ASIC2: variants seen among roughly 807,000 people sequenced by gnomAD.
The protein encoded by ASIC2 is acid-sensing ion channel 2.
A neutral mutation model predicts 57.3 loss-of-function variants in ASIC2; 25 were observed. That is an observed-to-expected ratio of 0.44 (90% CI 0.32 to 0.61). The LOEUF (loss-of-function observed/expected upper bound fraction) is 0.61. Ranked by LOEUF, ASIC2 falls within the 20% of genes least tolerant of loss-of-function variation. ASIC2 has a pLI of 0.06. For missense variants in ASIC2, 641 were observed against 738.1 expected (o/e 0.87, Z 1.52); for synonymous variants, 319 against 307.5 (o/e 1.04, Z -0.39).
At chr17:33,904,275 C>T (rs1294685911) in intron 1 of ASIC2, among the ~76,000 whole-genome samples, 3 of 150,952 alleles carry the variant, frequency 2.0e-5, no homozygotes, top group African/African-American at 4.9e-5. Flanking sequence ...CTTTTGGGAG[C>T]TTATTAGGAA....
intron 3 of ASIC2, among the ~76,000 whole-genome samples, chr17:33,048,742 C>A (rs2091964578): frequency 6.6e-6 from 1 of 152,174 alleles, no homozygotes. Context: ...GTCCTGTGGG[C>A]CCATCCCAGG....
At chr17:33,239,726 TG>T (rs1323379107) in intron 1 of ASIC2, among the ~76,000 whole-genome samples, 1 of 152,222 alleles carries the variant, frequency 6.6e-6, no homozygotes, top group Admixed American at 6.5e-5. Context: ...TGCTGAGATC[TG>T]GGGAGAGCCA....
At chr17:33,414,775 A>G (rs915662023) in intron 1 of ASIC2, among the ~76,000 whole-genome samples, 1 of 152,214 alleles carries the variant, frequency 6.6e-6, no homozygotes, top group Non-Finnish European at 1.5e-5. Context: ...AAATCACATT[A>G]GGCCCCACTC....
chr17:34,063,787 T>G (rs189409452), intron 1 of ASIC2, among the ~76,000 whole-genome samples: 1 of 151,404 alleles, frequency 6.6e-6, no homozygotes, highest in Non-Finnish European at 1.5e-5. Context: ...AAAAAATAAA[T>G]AAATAAAAGA....
At chr17:33,502,947 T>G (rs1428728792) in intron 1 of ASIC2, among the ~76,000 whole-genome samples, 1 of 152,130 alleles carries the variant, frequency 6.6e-6, no homozygotes, top group East Asian at 1.9e-4. Context: ...AAGGCGCATT[T>G]AAGAAAATTT....
At chr17:33,575,996 C>G (rs1368816151) in intron 1 of ASIC2, among the ~76,000 whole-genome samples, 1 of 152,174 alleles carries the variant, frequency 6.6e-6, no homozygotes. Flanking sequence ...TTATTTATAG[C>G]GATCCAATGC....
chr17:33,127,203 G>A (rs1029353178), intron 1 of ASIC2, among the ~76,000 whole-genome samples: 15 of 152,124 alleles, frequency 9.9e-5, no homozygotes, highest in Admixed American at 9.2e-4. Context: ...CTAGAGAAGC[G>A]GTGGCAGAAT....
At chr17:33,512,335 G>C (rs935887750) in intron 1 of ASIC2, among the ~76,000 whole-genome samples, 4 of 152,186 alleles carry the variant, frequency 2.6e-5, no homozygotes, top group African/African-American at 7.2e-5. Flanking sequence ...TGACTTGAAA[G>C]GAGGGACAGA....
intron 1 of ASIC2, among the ~76,000 whole-genome samples, chr17:34,108,964 T>C (rs1380264840): frequency 1.3e-5 from 2 of 152,032 alleles, no homozygotes; most frequent in East Asian, 1.9e-4. Flanking sequence ...GTTAGTGGTG[T>C]TTGCATGGAA....
At chr17:33,957,225 T>C (rs1904764819) in intron 1 of ASIC2, among the ~76,000 whole-genome samples, 1 of 152,302 alleles carries the variant, frequency 6.6e-6, no homozygotes, top group South Asian at 2.1e-4. Context: ...CTATCTTCTT[T>C]AATCCAGGTG....
rs77635632 is a variant in ASIC2 at position 33,155,408 on chromosome 17, T to A, written c.709-43341A>T. On this transcript the variant is annotated intron_variant, in intron 1 of 9. Coordinates refer to ENST00000225823, the MANE Select transcript of ASIC2 (RefSeq NM_183377.2). ...GGAATCCATTTCCTCTTCTAACTTCTGAATAGCTTTAGATACTTCTGACTT... is the reference window on the plus strand; with the variant it reads ...GGAATCCATTTCCTCTTCTAACTTCAGAATAGCTTTAGATACTTCTGACTT... Among the ~76,000 whole-genome samples the A allele has an allele frequency of 7.5e-4, 114 of 152,342 alleles. 3 individuals carry two copies. The East Asian group carries it at 0.02, about 27-fold the overall frequency.
chr17:33,161,155 T>G (rs35240309), intron 1 of ASIC2, among the ~76,000 whole-genome samples: 19,186 of 152,246 alleles, frequency 0.13, 1,626 homozygotes, highest in Non-Finnish European at 0.19. Flanking sequence ...GGCTGTCTCC[T>G]GTGCTGAGAA....
At chr17:33,645,186 T>G (rs753021139) in intron 1 of ASIC2, among the ~76,000 whole-genome samples, 8 of 152,024 alleles carry the variant, frequency 5.3e-5, no homozygotes, top group Non-Finnish European at 1.2e-4. Context: ...GAGCAAAACG[T>G]TAGATGCAGT....
At chr17:33,969,016 G>T (rs1905149419) in intron 1 of ASIC2, among the ~76,000 whole-genome samples, 1 of 152,164 alleles carries the variant, frequency 6.6e-6, no homozygotes, top group African/African-American at 2.4e-5. Context: ...GCGGATGGCA[G>T]TGAGTTTTAA....
intron 1 of ASIC2, among the ~76,000 whole-genome samples, chr17:33,702,209 C>A (rs1370236130): frequency 6.6e-6 from 1 of 152,184 alleles, no homozygotes; most frequent in Non-Finnish European, 1.5e-5. Flanking sequence ...AATGGTGATA[C>A]CTCTCCCAAT....
intron 1 of ASIC2, among the ~76,000 whole-genome samples, chr17:33,655,027 G>A (rs1011820047): frequency 1.3e-5 from 2 of 152,166 alleles, no homozygotes; most frequent in Non-Finnish European, 2.9e-5. Context: ...CTTGGACAGT[G>A]TCTTGACTGG....
At chr17:33,374,607 G>C (rs1909207992) in intron 1 of ASIC2, among the ~76,000 whole-genome samples, 1 of 152,154 alleles carries the variant, frequency 6.6e-6, no homozygotes, top group South Asian at 2.1e-4. Flanking sequence ...GCAATGCTGT[G>C]GTCTCAGTGA....
chr17:33,346,325 AG>A (rs1907948830), intron 1 of ASIC2, among the ~76,000 whole-genome samples: 1 of 151,112 alleles, frequency 6.6e-6, no homozygotes, highest in South Asian at 2.1e-4. Flanking sequence ...CAGAATCAAG[AG>A]CCTTTGGTGA....
At chr17:33,889,232 C>T (rs576517670) in intron 1 of ASIC2, among the ~76,000 whole-genome samples, 5 of 152,014 alleles carry the variant, frequency 3.3e-5, no homozygotes, top group Non-Finnish European at 5.9e-5. Context: ...CTGGTTCAAC[C>T]CCCCCTCGTT....
Sources: allele counts gnomAD v4.1 joint callset (sites outside exome capture counted in the v4.1 genomes callset), GRCh38; gene constraint gnomAD v4.1.1; transcripts MANE v1.5; gene names NCBI Gene and HGNC (gene_info 2026-07-23, HGNC 2026-07-21).